FLACC1: variants seen among roughly 807,000 people sequenced by gnomAD.
FLACC1 encodes flagellum associated containing coiled-coil domains 1.
FLACC1 carries 66 observed loss-of-function variants against 62.8 expected under a neutral mutation model. That is an observed-to-expected ratio of 1.05 (90% CI 0.86 to 1.29). The LOEUF (loss-of-function observed/expected upper bound fraction) is 1.29, where lower values mean the gene tolerates loss of function less well. FLACC1 is among the 50% of genes most tolerant of loss of function. The pLI, the probability that FLACC1 is intolerant of heterozygous loss-of-function variation, is 0.00. For missense variants in FLACC1, 452 were observed against 489.1 expected, an observed-to-expected ratio of 0.92 and a Z score of 0.71; for synonymous variants, 156 against 161.0, an observed-to-expected ratio of 0.97 and a Z score of 0.24.
intron 11 of FLACC1, among the ~76,000 whole-genome samples, chr2:201,306,254 T>A (rs1415559364): frequency 6.6e-6 from 1 of 150,574 alleles, no homozygotes; most frequent in Non-Finnish European, 1.5e-5. Flanking sequence ...AAGGGGGAGG[T>A]GCTACAACCT....
intron 12 of FLACC1, among the ~76,000 whole-genome samples, chr2:201,290,585 T>C (rs1949710344): frequency 6.6e-6 from 1 of 152,314 alleles, no homozygotes; most frequent in Non-Finnish European, 1.5e-5. Context: ...AGCTCCAGTC[T>C]ACAGCTCCCA....
intron 7 of FLACC1, among the ~76,000 whole-genome samples, chr2:201,331,729 G>A (rs189351656): frequency 1.8e-4 from 28 of 152,316 alleles, no homozygotes; most frequent in Non-Finnish European, 3.2e-4. Context: ...TAGGCAGAGC[G>A]AAGCAGATTT....
At chr2:201,304,601 C>G (rs1441418429) in intron 11 of FLACC1, among the ~76,000 whole-genome samples, 1 of 152,036 alleles carries the variant, frequency 6.6e-6, no homozygotes, top group African/African-American at 2.4e-5. Context: ...TCATTTGGAA[C>G]CATAAAAGAG....
intron 9 of FLACC1, among the ~76,000 whole-genome samples, chr2:201,320,790 C>T (rs1353065151): frequency 1.3e-5 from 2 of 152,184 alleles, no homozygotes; most frequent in Non-Finnish European, 2.9e-5. Context: ...CTCTTGGGGG[C>T]TATATAGCCC....
intron 1 of FLACC1, among the ~76,000 whole-genome samples, chr2:201,354,628 G>A (rs2125628150): frequency 6.6e-6 from 1 of 152,278 alleles, no homozygotes; most frequent in African/African-American, 2.4e-5. Context: ...GGAAGATGAT[G>A]CTACAAGGGG....
chr2:201,353,380 A>C (rs1951063713), intron 1 of FLACC1, among the ~76,000 whole-genome samples: 1 of 152,204 alleles, frequency 6.6e-6, no homozygotes, highest in Non-Finnish European at 1.5e-5. Flanking sequence ...TAACATACGG[A>C]GCACAGACAA....
chr2:201,320,407 C>T (rs973554393), intron 9 of FLACC1, among the ~76,000 whole-genome samples: 18 of 152,218 alleles, frequency 1.2e-4, no homozygotes, highest in African/African-American at 4.3e-4. Context: ...GCCGTGATTG[C>T]TATCTCTGCA....
chr2:201,302,874 G>A (rs778387424), intron 11 of FLACC1, among the ~76,000 whole-genome samples: 4 of 152,112 alleles, frequency 2.6e-5, no homozygotes, highest in South Asian at 2.1e-4. Flanking sequence ...GATGTTCTTC[G>A]AAACCAATGA....
the FLACC1 span, among the ~76,000 whole-genome samples, chr2:201,363,594 G>A: frequency 1.3e-5 from 2 of 152,000 alleles, no homozygotes; most frequent in African/African-American, 4.8e-5. Flanking sequence ...TCGATCAGCA[G>A]TCTGAGTCAC....
chr2:201,345,450 T>TTGTGTGTGTGTGTG (rs56229607), intron 5 of FLACC1, among the ~76,000 whole-genome samples: 24 of 144,190 alleles, frequency 1.7e-4, no homozygotes, highest in African/African-American at 5.6e-4. Context: ...AGGTAGATGA[T>TTGTGTGTGTGTGTG]TGTGTGTGTG....
At chr2:201,295,434 G>A (rs1457321002) in intron 12 of FLACC1, among the ~76,000 whole-genome samples, 2 of 152,176 alleles carry the variant, frequency 1.3e-5, no homozygotes, top group Non-Finnish European at 2.9e-5. Flanking sequence ...TTAATAAATG[G>A]TGCTTGGAAA....
chr2:201,313,408 G>A lies in FLACC1; in HGVS notation c.676-4158C>T, dbSNP rs562985949. On this transcript the variant is annotated intron_variant, in intron 9 of 14. Coordinates refer to ENST00000392257, the MANE Select transcript of FLACC1 (RefSeq NM_001127391.3). Reference sequence around the variant, plus strand: ...GAGTGAGATTGATCTTCTGGGTTTCGTGGGAGCTGGGTGAGGTCTGTGACT... The same window carrying A: ...GAGTGAGATTGATCTTCTGGGTTTCATGGGAGCTGGGTGAGGTCTGTGACT... Among the ~76,000 whole-genome samples the A allele has an allele frequency of 4.5e-4, 68 of 152,176 alleles. No individual in the cohort carries two copies. In the South Asian group the frequency reaches 0.013, roughly 28 times the overall value.
intron 9 of FLACC1, among the ~76,000 whole-genome samples, chr2:201,314,397 C>G (rs992422413): frequency 6.6e-6 from 1 of 152,072 alleles, no homozygotes; most frequent in African/African-American, 2.4e-5. Context: ...GCAAAATGCT[C>G]TGGTACGTCT....
chr2:201,359,407 G>A (rs961778514), upstream of FLACC1, among the ~76,000 whole-genome samples: 4 of 152,134 alleles, frequency 2.6e-5, no homozygotes, highest in Admixed American at 6.5e-5. Flanking sequence ...TCTTCAGAGT[G>A]GATACTATTC....
intron 2 of FLACC1, among the ~76,000 whole-genome samples, chr2:201,351,029 A>G (rs1344504274): frequency 1.3e-5 from 2 of 152,220 alleles, no homozygotes; most frequent in East Asian, 3.9e-4. Context: ...GGCAGCTGCC[A>G]TCAGGGCCCT....
In FLACC1 at chr2:201,348,272, CTCT is replaced by C; in HGVS notation, c.213_215del (p.Glu72del). ...TACTCACATAAAATGATTTATTAGT[CTCT>C]TCTTGCCTTGCTGAATGGATTTTCA... On this transcript the variant is annotated inframe_deletion, in exon 4 of 15. Transcript: ENST00000392257. 6.2e-7 allele frequency: 1 copy of C among 1,612,872 alleles called. No homozygotes were observed. Among genetic ancestry groups the C allele is most frequent in the Non-Finnish European group, 8.5e-7 (1 of 1,179,756 alleles).
chr2:201,335,852 C>T (rs10186527), intron 7 of FLACC1, among the ~76,000 whole-genome samples: 82,883 of 151,878 alleles, frequency 0.55, 23,059 homozygotes, highest in South Asian at 0.74. Context: ...ATTTCTTTTA[C>T]CGATGCTCCA....
At chr2:201,311,486 T>C in intron 9 of FLACC1, among the ~76,000 whole-genome samples, 1 of 150,472 alleles carries the variant, frequency 6.6e-6, no homozygotes, top group Non-Finnish European at 1.5e-5. Flanking sequence ...CTATGGGAGG[T>C]TGAGTCAGGA....
At chr2:201,328,677 C>T (rs1053607513) in intron 9 of FLACC1, among the ~76,000 whole-genome samples, 2 of 152,206 alleles carry the variant, frequency 1.3e-5, no homozygotes, top group Non-Finnish European at 2.9e-5. Flanking sequence ...CTGCCTGCCT[C>T]GGCCTCCCAA....
Sources: allele counts gnomAD v4.1 joint callset (sites outside exome capture counted in the v4.1 genomes callset), GRCh38; gene constraint gnomAD v4.1.1; transcripts MANE v1.5; gene names NCBI Gene and HGNC (gene_info 2026-07-23, HGNC 2026-07-21).